Variants in LARP1B observed in about 807,000 individuals in gnomAD.
LARP1B encodes La ribonucleoprotein 1B.
Under a neutral mutation model 114.2 loss-of-function variants are expected in LARP1B, and 76 were observed. The ratio of observed to expected loss-of-function variants is 0.67; its 90% confidence interval spans 0.55 to 0.81. The LOEUF (loss-of-function observed/expected upper bound fraction) is 0.81, where lower values mean the gene tolerates loss of function less well. Ranked by LOEUF, LARP1B falls within the 30% of genes least tolerant of loss-of-function variation. The pLI is 0.00. For missense variants in LARP1B, 1,014 were observed against 1,075.8 expected (o/e 0.94, Z 0.80); for synonymous variants, 345 against 348.0 (o/e 0.99, Z 0.10).
intron 11 of LARP1B, among the ~76,000 whole-genome samples, chr4:128,160,754 A>G (rs1042195317): frequency 2.6e-5 from 4 of 152,210 alleles, no homozygotes; most frequent in Non-Finnish European, 5.9e-5. Flanking sequence ...TGAAGAGCTT[A>G]TTGAAAACTT....
chr4:128,082,794 T>A (rs1303493636), intron 5 of LARP1B, among the ~76,000 whole-genome samples: 1 of 136,520 alleles, frequency 7.3e-6, no homozygotes, highest in African/African-American at 2.7e-5. Context: ...AGAAAATATA[T>A]CATTTTCTTC....
At chr4:128,217,182 A>T (rs1299565422) in intron 6 of LARP1B, among the ~76,000 whole-genome samples, 1 of 138,636 alleles carries the variant, frequency 7.2e-6, no homozygotes, top group Non-Finnish European at 1.6e-5. Context: ...GTCCAGGACC[A>T]GATGGATTCA....
chr4:128,178,670 C>G, intron 14 of LARP1B, 28 bp downstream of exon 14: 1 of 1,522,810 alleles, frequency 6.6e-7, no homozygotes, highest in Non-Finnish European at 9.1e-7. Context: ...GAATATAAGG[C>G]TTGCATTTTG....
chr4:128,144,182 C>A (rs908537395), intron 11 of LARP1B, among the ~76,000 whole-genome samples: 6 of 152,092 alleles, frequency 3.9e-5, no homozygotes, highest in African/African-American at 1.2e-4. Flanking sequence ...AGTTGAGAAC[C>A]ACAGAAGTCA....
At chr4:128,086,041 T>A (rs1172135307) in intron 5 of LARP1B, among the ~76,000 whole-genome samples, 3 of 145,150 alleles carry the variant, frequency 2.1e-5, no homozygotes, top group African/African-American at 5.1e-5. Context: ...TGAGACTGAG[T>A]CTCGCTCTGT....
At position 128,179,494 on chromosome 4, in the gene LARP1B, C is replaced by T. The variant is rs778086183; in HGVS notation, c.1985C>T (p.Pro662Leu). Reference protein sequence around the residue: ...GWVMDSRDRGPGTSSVSTSNA... With the variant: ...GWVMDSRDRGLGTSSVSTSNA... ...GTAATGGATTCCAGAGACCGTGGGC[C>T]AGGAACATCCTCTGTCAGGTACTAT... The change falls in exon 15 of 20, where the codon CCA (proline) becomes CTA (leucine). Residue 662 changes from proline to leucine, a missense_variant. Pro to Leu is a moderately conservative substitution (Grantham distance 98). Coordinates refer to ENST00000326639, the MANE Select transcript of LARP1B (RefSeq NM_018078.4). The T allele has an allele frequency of 6.3e-7, 1 of 1,597,490 alleles. No individual in the cohort carries two copies. Among genetic ancestry groups the T allele is most frequent in the Admixed American group, 1.7e-5 (1 of 57,530 alleles).
intron 1 of LARP1B, among the ~76,000 whole-genome samples, chr4:128,065,255 T>TAA (rs1553982315): frequency 1.7e-5 from 1 of 57,476 alleles, no homozygotes; most frequent in East Asian, 7.1e-4. Flanking sequence ...CACAATTAAT[T>TAA]TCTTTCTTTC....
intron 6 of LARP1B, among the ~76,000 whole-genome samples, chr4:128,219,190 G>A (rs1191785657): frequency 1.3e-5 from 2 of 149,080 alleles, no homozygotes; most frequent in African/African-American, 4.9e-5. Flanking sequence ...CTTTGACACT[G>A]TTGGTGGGAC....
At position 128,069,389 on chromosome 4, in the gene LARP1B, A is replaced by G. The variant is rs926779873; in HGVS notation, c.-77-5071A>G. 3 of 764,346 alleles carry G rather than the reference A, an allele frequency of 3.9e-6. No homozygotes were observed. The East Asian group carries it at 7.3e-5, about 19-fold the overall frequency. 47.3% of individuals were successfully genotyped at this position (764,346 alleles called of 1,614,324 possible). ...CACCATGATGGACAGGCTTGCCATAAGTTGCACCCTTAGGAACTGGGTGCT... is the reference window on the plus strand; with the variant it reads ...CACCATGATGGACAGGCTTGCCATAGGTTGCACCCTTAGGAACTGGGTGCT... On this transcript the variant is annotated intron_variant, in intron 1 of 19. Coordinates refer to ENST00000326639, the MANE Select transcript of LARP1B (RefSeq NM_018078.4).
intron 11 of LARP1B, among the ~76,000 whole-genome samples, chr4:128,152,337 T>G: frequency 6.6e-6 from 1 of 151,060 alleles, no homozygotes; most frequent in East Asian, 2.0e-4. Flanking sequence ...CCGAGTAGCT[T>G]GGACTACAGG....
In LARP1B at chr4:128,202,995, C is replaced by T. The variant is rs542718532; in HGVS notation, c.2309+2330C>T. 5.9e-5 allele frequency among the ~76,000 whole-genome samples: 9 copies of T among 152,182 alleles called. No individual in the cohort carries two copies. In the South Asian group the frequency reaches 1.5e-3, roughly 25 times the overall value. Reference sequence around the variant, plus strand: ...AGGCAGATCACTGAAGCCAGGAGTTCGAGACTAGCCTGGCCAACATGGCAA... The same window carrying T: ...AGGCAGATCACTGAAGCCAGGAGTTTGAGACTAGCCTGGCCAACATGGCAA... On this transcript the variant is annotated intron_variant, in intron 17 of 19. Transcript: ENST00000326639.
chr4:128,166,676 T>C (rs1310863439), intron 12 of LARP1B, among the ~76,000 whole-genome samples: 1 of 151,708 alleles, frequency 6.6e-6, no homozygotes. Context: ...TCTAGACTTA[T>C]CTATCCTACA....
At chr4:128,098,127 C>T in intron 7 of LARP1B, 59 bp from the exon 8 acceptor site, 1 of 1,321,400 alleles carries the variant, frequency 7.6e-7, no homozygotes, top group Non-Finnish European at 1.1e-6. Flanking sequence ...AATGTGGGAG[C>T]AATAGAAATA....
chr4:128,138,170 A>G (rs969686264), intron 11 of LARP1B, among the ~76,000 whole-genome samples: 2 of 152,218 alleles, frequency 1.3e-5, no homozygotes, highest in African/African-American at 4.8e-5. Context: ...ACAATAGAGG[A>G]TTAATCATAT....
chr4:128,108,206 T>C, intron 9 of LARP1B: 1 of 1,198,462 alleles, frequency 8.3e-7, no homozygotes, highest in East Asian at 3.6e-5. Context: ...AAGTTAATTA[T>C]TATTATTCTG....
At chr4:128,067,532 C>T (rs1217787459) in intron 1 of LARP1B, among the ~76,000 whole-genome samples, 3 of 151,992 alleles carry the variant, frequency 2.0e-5, no homozygotes, top group African/African-American at 7.3e-5. Context: ...AAATTTTCTT[C>T]CACTTTTAGG....
chr4:128,213,763 A>G (rs940932367), downstream of LARP1B, among the ~76,000 whole-genome samples: 1 of 152,216 alleles, frequency 6.6e-6, no homozygotes, highest in African/African-American at 2.4e-5. Flanking sequence ...GCTGTCTTTG[A>G]CATTTTCTAT....
chr4:128,205,785 C>T (rs1283113254), intron 17 of LARP1B, among the ~76,000 whole-genome samples: 1 of 152,128 alleles, frequency 6.6e-6, no homozygotes, highest in Non-Finnish European at 1.5e-5. Context: ...TGGGGAAAAT[C>T]TAACACATCC....
intron 7 of LARP1B, among the ~76,000 whole-genome samples, chr4:128,093,654 A>G (rs1776681749): frequency 6.6e-6 from 1 of 151,590 alleles, no homozygotes; most frequent in Non-Finnish European, 1.5e-5. Context: ...TGCAAAATGT[A>G]TCGTACAGTA....
Sources: gnomAD v4.1 joint callset for allele counts (sites outside exome capture counted in the v4.1 genomes callset) on GRCh38, gnomAD v4.1.1 for gene constraint, MANE v1.5 for transcripts, NCBI Gene and HGNC (gene_info 2026-07-23, HGNC 2026-07-21) for gene names.